PHRF1: variants seen among roughly 807,000 people sequenced by gnomAD.
The protein encoded by PHRF1 is PHD and RING finger domain-containing protein 1.
Under a neutral mutation model 128.9 loss-of-function variants are expected in PHRF1, and 53 were observed. The ratio of observed to expected loss-of-function variants is 0.41; its 90% CI spans 0.33 to 0.52. PHRF1 has a LOEUF of 0.52. Among genes scored for constraint, PHRF1 ranks in the 20% least tolerant of loss-of-function variants. The pLI is 0.21. For missense variants in PHRF1, 2,503 were observed against 2,284.5 expected (o/e 1.10, Z -1.95); for synonymous variants, 1,178 against 980.6 (o/e 1.20, Z -3.76).
Position 596,247 on chromosome 11 carries a change from C to T in PHRF1, c.621-676C>T, listed in dbSNP as rs1414740964. ...GATCTTTGCATAGACTCCCGAGCCTCGGCTGCTTGGAGGGGCACATATACC... is the reference window on the plus strand; with the variant it reads ...GATCTTTGCATAGACTCCCGAGCCTTGGCTGCTTGGAGGGGCACATATACC... On this transcript the variant is annotated intron_variant, in intron 6 of 17. Coordinates refer to ENST00000264555, the MANE Select transcript of PHRF1 (RefSeq NM_001286581.2). 4.6e-5 allele frequency among the ~76,000 whole-genome samples: 7 copies of T among 152,306 alleles called. No homozygotes were observed. The East Asian group carries it at 5.8e-4, about 13-fold the overall frequency.
At chr11:592,799 C>T in intron 6 of PHRF1, 125 bp downstream of exon 6, 1 of 1,027,600 alleles carries the variant, frequency 9.7e-7, no homozygotes, top group Non-Finnish European at 1.5e-6. Context: ...GTGCTCACCA[C>T]CCTCAGCAGC....
chr11:597,518 G>C lies in PHRF1; in HGVS notation c.842G>C (p.Arg281Thr). The change falls in exon 8 of 18, where the codon AGA becomes ACA. Residue 281 changes from arginine to threonine, a missense_variant. Arg to Thr is a moderately conservative substitution (Grantham distance 71, BLOSUM62 -1). Transcript: ENST00000264555. This position sits in a 1 kb window ranked among gnomAD's most constrained non-coding sequence, Gnocchi z 6.5. ...ATAGCCAGGACACGGCAGAGTGAGA[G>C]AGTGAGAGCAACCGTGAACCGGAAC... ...RAIARTRQSE[R>T]VRATVNRNRI... 2 of 1,612,722 alleles carry C rather than the reference G, an allele frequency of 1.2e-6. No individual in the cohort carries two copies. The highest frequency in any genetic ancestry group is 1.7e-6 in the Non-Finnish European group (2 of 1,179,608).
intron 6 of PHRF1, among the ~76,000 whole-genome samples, chr11:593,214 C>T (rs1301373272): frequency 6.6e-6 from 1 of 152,280 alleles, no homozygotes; most frequent in Non-Finnish European, 1.5e-5. Context: ...TGGCTGTAAG[C>T]AGATGCCCCC....
At position 608,019 on chromosome 11, in the gene PHRF1, C is replaced by T. The variant is rs576095611; in HGVS notation, c.2563C>T (p.Leu855=). ...CCCCGAGAGGTCTGGCCCCGGCCTC[C>T]TGCCCTCTGAGATCACACGAACCAT... ...SSPERSGPGL[L]PSEITRTISI... The change falls in exon 14 of 18, where the codon CTG becomes TTG. Residue 855 remains leucine, a synonymous_variant. Transcript: ENST00000264555. 22 of 1,611,216 alleles carry T rather than the reference C, an allele frequency of 1.4e-5. No homozygotes were observed. In the African/African-American group the frequency reaches 1.9e-4, roughly 14 times the overall value.
chr11:591,132 C>T (rs1379191096), intron 4 of PHRF1, among the ~76,000 whole-genome samples: 1 of 152,218 alleles, frequency 6.6e-6, no homozygotes, highest in Non-Finnish European at 1.5e-5. Flanking sequence ...GTCCTTCCTC[C>T]CTTTATTGTT....
chr11:584,729 C>CTTTTTTT (rs869125196), intron 3 of PHRF1, among the ~76,000 whole-genome samples: 6 of 90,310 alleles, frequency 6.6e-5, no homozygotes, highest in African/African-American at 1.4e-4. Flanking sequence ...TCTCCAGGAC[C>CTTTTTTT]TTTTTTTTTT....
chr11:584,855 A>G (rs2134194790), intron 3 of PHRF1, among the ~76,000 whole-genome samples: 1 of 146,976 alleles, frequency 6.8e-6, no homozygotes, highest in South Asian at 2.1e-4. Context: ...CTCCTGCCTC[A>G]GCCTCTCGAG....
At chr11:586,017 A>G (rs1163968355) in intron 3 of PHRF1, among the ~76,000 whole-genome samples, 2 of 151,808 alleles carry the variant, frequency 1.3e-5, no homozygotes, top group African/African-American at 4.8e-5. Context: ...ACACGCCACC[A>G]CACCCGGCTA....
intron 1 of PHRF1, among the ~76,000 whole-genome samples, chr11:578,689 C>T (rs1346972381): frequency 6.6e-6 from 1 of 152,170 alleles, no homozygotes; most frequent in Non-Finnish European, 1.5e-5. Context: ...CCTCAGACTC[C>T]CGAGCAGCTG....
At chr11:593,042 C>G (rs74045049) in intron 6 of PHRF1, among the ~76,000 whole-genome samples, 2,865 of 152,288 alleles carry the variant, frequency 0.019, 98 homozygotes, top group African/African-American at 0.065. Context: ...GCCTTGGTCC[C>G]TCACCTTTCA....
intron 5 of PHRF1, 35 bp from the exon 6 acceptor site, chr11:592,524 G>A (rs749350156): frequency 1.3e-6 from 2 of 1,595,188 alleles, no homozygotes; most frequent in Non-Finnish European, 1.7e-6. Flanking sequence ...GGGAGTTTGG[G>A]TCCTGTGTGG....
chr11:594,651 G>A (rs1177044337), intron 6 of PHRF1, among the ~76,000 whole-genome samples: 1 of 152,060 alleles, frequency 6.6e-6, no homozygotes, highest in Admixed American at 6.6e-5. Flanking sequence ...ATGGAGAAAC[G>A]GGGTTTCACC....
Position 611,845 on chromosome 11 carries a change from G to T in PHRF1, c.*68G>T. On this transcript the variant is annotated 3_prime_UTR_variant, in exon 18 of 18. Coordinates refer to ENST00000264555, the MANE Select transcript of PHRF1 (RefSeq NM_001286581.2). ...GGCGGGAATCGGGGCCATGCCCGGG[G>T]AGCTGTCGGGAGTGGCGGGAATCGG... The T allele has an allele frequency of 6.6e-7, 1 of 1,523,172 alleles. No homozygotes were observed. The highest frequency in any genetic ancestry group is 1.2e-5 in the South Asian group (1 of 82,724). The allele number at this position is 1,523,172 out of a possible 1,614,324, so 94.4% of individuals were successfully genotyped here. A position where few individuals can be genotyped will look rare whatever the true frequency, so the allele number is the denominator to read the frequency against.
chr11:607,566 A>G lies in PHRF1; in HGVS notation c.2110A>G (p.Ile704Val). 4 of 1,612,532 alleles carry G rather than the reference A, an allele frequency of 2.5e-6. No individual in the cohort carries two copies. The South Asian group carries it at 3.3e-5, about 13-fold the overall frequency. The change falls in exon 14 of 18, where the codon ATT (isoleucine) becomes GTT (valine). Residue 704 changes from isoleucine (I) to valine (V), a missense_variant. Physicochemically the swap from Ile to Val is conservative, Grantham distance 29 (BLOSUM62 3). Coordinates refer to ENST00000264555, the MANE Select transcript of PHRF1 (RefSeq NM_001286581.2). ...RDAAPAHGQS[I>V]EIPSACISRL... ...TGCGGCCCCGGCCCACGGGCAGAGC[A>G]TTGAGATCCCCAGTGCCTGCATCAG...
chr11:605,408 G>T, intron 11 of PHRF1, 108 bp downstream of exon 11: 1 of 1,498,820 alleles, frequency 6.7e-7, no homozygotes, highest in African/African-American at 1.4e-5. Flanking sequence ...GTGTTTGAGA[G>T]TGAGGGTGGC....
At chr11:606,949 C>A in intron 13 of PHRF1, 117 bp from the exon 14 acceptor site, 1 of 1,448,028 alleles carries the variant, frequency 6.9e-7, no homozygotes, top group Non-Finnish European at 9.2e-7. Flanking sequence ...CCTCAACAGG[C>A]AGACAGGAGT....
At position 591,334 on chromosome 11, in the gene PHRF1, CTAAGTG is replaced by C. The variant is rs772904632; in HGVS notation, c.421-49_421-44del. The stretch of plus-strand genomic sequence containing the variant: ...TTCAGTGTAAAAGAATTTTTGATCT[CTAAGTG>C]AAAGTGATTGACAAGATTCTGATCC... On this transcript the variant is annotated intron_variant, in intron 4 of 17. Coordinates refer to ENST00000264555, the MANE Select transcript of PHRF1 (RefSeq NM_001286581.2). 6.0e-6 allele frequency: 9 copies of C among 1,500,396 alleles called. No individual in the cohort carries two copies. In the Admixed American group the frequency reaches 1.5e-4, roughly 26 times the overall value. 92.9% of individuals were successfully genotyped at this position (1,500,396 alleles called of 1,614,324 possible). A position where few individuals can be genotyped will look rare whatever the true frequency, so the allele number is the denominator to read the frequency against.
At chr11:589,814 G>C (rs1854830833) in intron 4 of PHRF1, among the ~76,000 whole-genome samples, 1 of 149,792 alleles carries the variant, frequency 6.7e-6, no homozygotes, top group Non-Finnish European at 1.5e-5. Flanking sequence ...CGGGCACAGA[G>C]CGTGCGGGGC....
intron 16 of PHRF1, 48 bp from the exon 17 acceptor site, chr11:610,906 G>A: frequency 6.2e-7 from 1 of 1,603,494 alleles, no homozygotes; most frequent in Non-Finnish European, 8.5e-7. Context: ...CTGGCCAGAG[G>A]GACTCCCGGC....
Sources: allele counts gnomAD v4.1 joint callset (sites outside exome capture counted in the v4.1 genomes callset), GRCh38; gene constraint gnomAD v4.1.1; non-coding constraint Gnocchi (gnomAD v3.1); transcripts MANE v1.5; gene names NCBI Gene and HGNC (gene_info 2026-07-23, HGNC 2026-07-21).